Variants in PARVB observed in about 807,000 individuals in gnomAD.
PARVB encodes parvin beta, also known as beta-parvin.
PARVB carries 46 observed loss-of-function variants against 47.0 expected under a neutral mutation model. That is an observed-to-expected ratio of 0.98 (90% CI 0.77 to 1.25). The LOEUF is 1.25. Among genes scored for constraint, PARVB ranks in the 50% most tolerant of loss-of-function variants. PARVB has a pLI of 0.00. For synonymous variants in PARVB, 196 were observed against 196.3 expected, an observed-to-expected ratio of 1.00 and a Z score of 0.01; for missense variants, 473 against 471.6, an observed-to-expected ratio of 1.00 and a Z score of -0.03.
intron 6 of PARVB, among the ~76,000 whole-genome samples, chr22:44,135,364 T>C (rs1327267523): frequency 6.6e-6 from 1 of 152,194 alleles, no homozygotes; most frequent in East Asian, 1.9e-4. Context: ...GTTCAACTGA[T>C]TCTCCTGCCT....
At position 44,071,566 on chromosome 22, in the gene PARVB, G is replaced by A. The variant is rs117342927; in HGVS notation, c.113-22362G>A. Among the ~76,000 whole-genome samples the A allele has an allele frequency of 6.7e-3, 1,026 of 152,158 alleles. 5 individuals carry two copies. Among genetic ancestry groups the A allele is most frequent in the Non-Finnish European group, 9.0e-3 (609 of 68,012 alleles). On this transcript the variant is annotated intron_variant, in intron 1 of 12. Transcript: ENST00000338758. ...ATTGTGGGCTACCCATCCTCCACCC[G>A]CTGTGGCCTATTGATAACCTCCCAG...
chr22:44,077,348 C>T (rs2051800089), intron 1 of PARVB, among the ~76,000 whole-genome samples: 1 of 152,206 alleles, frequency 6.6e-6, no homozygotes, highest in Non-Finnish European at 1.5e-5. Flanking sequence ...CTGTCCTCTC[C>T]TCTTCTTGTA....
At chr22:44,110,464 C>T (rs1020426067) in intron 3 of PARVB, 1 of 152,198 alleles carries the variant, frequency 6.6e-6, no homozygotes. Context: ...GTCAGTCCCA[C>T]AGTTTCGACG....
chr22:44,071,609 A>C (rs190696282), intron 1 of PARVB, among the ~76,000 whole-genome samples: 1 of 152,184 alleles, frequency 6.6e-6, no homozygotes, highest in Admixed American at 6.5e-5. Context: ...CTATGCTCCT[A>C]GAGGCCCTGA....
intron 4 of PARVB, among the ~76,000 whole-genome samples, chr22:44,124,133 C>G (rs1409727624): frequency 6.6e-6 from 1 of 152,198 alleles, no homozygotes; most frequent in Non-Finnish European, 1.5e-5. Flanking sequence ...TTGTGGGGTC[C>G]TCTTGTGGGA....
intron 1 of PARVB, chr22:44,039,847 C>T (rs758820211): frequency 3.5e-5 from 16 of 455,570 alleles, no homozygotes; most frequent in Non-Finnish European, 7.1e-5. Context: ...TGAGATCTCA[C>T]TCTGATGCCC....
At chr22:44,004,357 T>C (rs889436290) in intron 2 of PARVB, among the ~76,000 whole-genome samples, 2 of 152,146 alleles carry the variant, frequency 1.3e-5, no homozygotes, top group Non-Finnish European at 2.9e-5. Flanking sequence ...GTAGTAGTAA[T>C]AGAAATTTTA....
intron 1 of PARVB, among the ~76,000 whole-genome samples, chr22:44,079,589 A>G (rs2051853868): frequency 6.6e-6 from 1 of 152,172 alleles, no homozygotes; most frequent in African/African-American, 2.4e-5. Context: ...GTGCTAAGCC[A>G]TTCTGAGAAG....
intron 10 of PARVB, among the ~76,000 whole-genome samples, chr22:44,156,507 G>A (rs537638821): frequency 6.6e-6 from 1 of 152,194 alleles, no homozygotes; most frequent in Non-Finnish European, 1.5e-5. Context: ...TTGAACTCCT[G>A]ACCTTGTGAT....
chr22:44,001,039 A>G (rs551709298), intron 2 of PARVB, among the ~76,000 whole-genome samples: 1 of 152,358 alleles, frequency 6.6e-6, no homozygotes, highest in Admixed American at 6.5e-5. Context: ...ACCTGAGGTC[A>G]GGAGTTCGAG....
chr22:44,095,436 G>C (rs1439172962), intron 2 of PARVB, among the ~76,000 whole-genome samples: 1 of 151,940 alleles, frequency 6.6e-6, no homozygotes, highest in African/African-American at 2.4e-5. Context: ...CCCGGGATTG[G>C]GATGTTGCAG....
At chr22:44,012,058 T>C (rs2050529057) in intron 2 of PARVB, among the ~76,000 whole-genome samples, 1 of 152,160 alleles carries the variant, frequency 6.6e-6, no homozygotes, top group South Asian at 2.1e-4. Context: ...AGCTTGCTCA[T>C]CCCCCATTTT....
intron 11 of PARVB, among the ~76,000 whole-genome samples, chr22:44,161,415 G>A (rs139075): frequency 0.39 from 59,543 of 151,130 alleles, 12,075 homozygotes; most frequent in South Asian, 0.5. Context: ...CTGGGTTCAA[G>A]CGATTCTTCT....
rs35913551 is a variant in PARVB at position 44,151,029 on chromosome 22, C to CAAAAAAA, written c.775-432_775-426dup. 315 of 51,688 alleles carry CAAAAAAA rather than the reference C, an allele frequency of 6.1e-3. 26 individuals are homozygous for CAAAAAAA. Among genetic ancestry groups the CAAAAAAA allele is most frequent in the African/African-American group, 0.023 (303 of 13,066 alleles). 3.2% of individuals were successfully genotyped at this position (51,688 alleles called of 1,614,324 possible). On this transcript the variant is annotated intron_variant, in intron 9 of 12. Transcript: ENST00000338758. ...CCTGGGCGACAGAGTGAGACTGTCT[C>CAAAAAAA]AAAAAAAAAAAAAAAAAAAAAAAAA...
chr22:44,166,132 CAG>C (rs1261265806), intron 12 of PARVB, among the ~76,000 whole-genome samples: 4 of 152,156 alleles, frequency 2.6e-5, no homozygotes, highest in South Asian at 2.1e-4. Flanking sequence ...TTTTCTGAGA[CAG>C]AGTCTTACTT....
At chr22:44,096,841 C>G (rs538750106) in intron 2 of PARVB, among the ~76,000 whole-genome samples, 2 of 152,264 alleles carry the variant, frequency 1.3e-5, no homozygotes, top group Non-Finnish European at 2.9e-5. Context: ...CCACAAAACA[C>G]TGGCACAGAG....
chr22:44,014,084 A>T (rs1038415330), intron 2 of PARVB, among the ~76,000 whole-genome samples: 7 of 152,208 alleles, frequency 4.6e-5, no homozygotes, highest in African/African-American at 1.7e-4. Flanking sequence ...AAAGATCCAC[A>T]TGTAAGTGGA....
intron 2 of PARVB, among the ~76,000 whole-genome samples, chr22:44,016,455 T>C (rs989965592): frequency 2.0e-5 from 3 of 152,172 alleles, no homozygotes; most frequent in African/African-American, 7.2e-5. Flanking sequence ...TGTGTCCATG[T>C]CTTAGTTTTC....
chr22:44,126,863 C>G (rs1225156519), intron 4 of PARVB, among the ~76,000 whole-genome samples: 2 of 152,206 alleles, frequency 1.3e-5, no homozygotes, highest in Non-Finnish European at 1.5e-5. Context: ...GGCTGTGGAA[C>G]TGGCCCTCAG....
Sources: allele counts gnomAD v4.1 joint callset (sites outside exome capture counted in the v4.1 genomes callset), GRCh38; gene constraint gnomAD v4.1.1; transcripts MANE v1.5; gene names NCBI Gene and HGNC (gene_info 2026-07-23, HGNC 2026-07-21).